Variants in ADGRL2 observed in about 807,000 individuals in gnomAD.
The protein encoded by ADGRL2 is adhesion G protein-coupled receptor L2.
ADGRL2 carries 44 observed loss-of-function variants against 157.4 expected under a neutral mutation model. The ratio of observed to expected loss-of-function variants is 0.28; its 90% CI spans 0.22 to 0.36. ADGRL2 has a LOEUF of 0.36. ADGRL2 is among the 10% of genes least tolerant of loss of function. ADGRL2 has a pLI of 1.00. For missense variants in ADGRL2, 1,510 were observed against 1,768.9 expected (o/e 0.85, Z 2.63); for synonymous variants, 585 against 624.7 (o/e 0.94, Z 0.95).
intron 1 of ADGRL2, among the ~76,000 whole-genome samples, chr1:81,836,276 A>C (rs1395914865): frequency 6.6e-6 from 1 of 152,096 alleles, no homozygotes; most frequent in Non-Finnish European, 1.5e-5. Flanking sequence ...GGAAACGAAC[A>C]TGAAGAAACT....
intron 1 of ADGRL2, among the ~76,000 whole-genome samples, chr1:81,737,453 G>A (rs1489517068): frequency 6.6e-6 from 1 of 152,018 alleles, no homozygotes; most frequent in Middle Eastern, 3.2e-3. Flanking sequence ...GAATAACAAG[G>A]GGAAATCTGC....
intron 3 of ADGRL2, among the ~76,000 whole-genome samples, chr1:81,607,854 T>G (rs1425274771): frequency 2.6e-5 from 4 of 152,212 alleles, no homozygotes; most frequent in African/African-American, 9.7e-5. Context: ...TCTGATGTTT[T>G]ATTTGCAGTA....
chr1:81,797,167 T>C (rs764745179), upstream of ADGRL2, among the ~76,000 whole-genome samples: 2 of 152,218 alleles, frequency 1.3e-5, no homozygotes, highest in Non-Finnish European at 2.9e-5. Flanking sequence ...CAAGTAATGA[T>C]GAAGAAAATG....
chr1:81,332,161 T>A (rs1661315511), intron 1 of ADGRL2, among the ~76,000 whole-genome samples: 1 of 152,180 alleles, frequency 6.6e-6, no homozygotes, highest in South Asian at 2.1e-4. Context: ...ACATTTTTTG[T>A]CCAACTCTGT....
rs1664834346 is a variant in ADGRL2, at chr1:81,993,070, TA to T, written c.*1926del. Among the ~76,000 whole-genome samples the T allele has an allele frequency of 6.5e-4, 19 of 29,128 alleles. No homozygotes were observed. The highest frequency in any genetic ancestry group is 6.2e-3 in the East Asian group (7 of 1,122). 19.1% of individuals were successfully genotyped at this position (29,128 alleles called of 152,430 possible). Reference sequence around the variant, plus strand: ...TATATATAATATACATATATATATATATATATATATATATATATTTTTTTTT... The same window carrying T: ...TATATATAATATACATATATATATATTATATATATATATATATTTTTTTTT... On this transcript the variant is annotated 3_prime_UTR_variant, in exon 24 of 24. Transcript: ENST00000686636.
At chr1:81,521,916 C>T (rs1383617054) in intron 2 of ADGRL2, among the ~76,000 whole-genome samples, 4 of 151,570 alleles carry the variant, frequency 2.6e-5, no homozygotes, top group Non-Finnish European at 4.4e-5. Flanking sequence ...GAGAAGATAT[C>T]GTCATTGGCA....
At chr1:81,894,378 GT>G (rs1441268807) in intron 2 of ADGRL2, among the ~76,000 whole-genome samples, 1 of 151,934 alleles carries the variant, frequency 6.6e-6, no homozygotes, top group Non-Finnish European at 1.5e-5. Context: ...TTTTTAATTG[GT>G]CCAAGAGCAT....
intron 3 of ADGRL2, among the ~76,000 whole-genome samples, chr1:81,932,851 G>C (rs2095254058): frequency 6.6e-6 from 1 of 152,084 alleles, no homozygotes; most frequent in Non-Finnish European, 1.5e-5. Flanking sequence ...GCGCCACCAT[G>C]CATGCCTGCG....
intron 10 of ADGRL2, 180 bp from the exon 11 acceptor site, chr1:81,955,696 TA>T: frequency 2.3e-6 from 1 of 439,624 alleles, no homozygotes. Flanking sequence ...AGTCCTGTTT[TA>T]AAATGGTCCA....
chr1:81,984,586 C>T lies in ADGRL2; in HGVS notation c.3286C>T (p.Arg1096Ter). The T allele has an allele frequency of 1.2e-6, 2 of 1,602,148 alleles. No individual in the cohort carries two copies. Among genetic ancestry groups the T allele is most frequent in the Non-Finnish European group, 1.7e-6 (2 of 1,171,664 alleles). Reference protein sequence around the residue: ...IFHCALQKKVRKEYGKCFRHS... With the variant: ...IFHCALQKKV Reference sequence around the variant, plus strand: ...GTCTTGTGATTATTCAATGCAGGTACGAAAAGAATATGGCAAGTGCTTCAG... The same window carrying T: ...GTCTTGTGATTATTCAATGCAGGTATGAAAAGAATATGGCAAGTGCTTCAG... Residue 1096 changes from arginine to a stop codon, truncating the protein, a stop_gained, in exon 20 of 24, where the codon CGA becomes TGA. Transcript: ENST00000686636. LOFTEE classifies it high-confidence loss of function.
chr1:81,987,391 C>A, intron 22 of ADGRL2: 1 of 1,207,172 alleles, frequency 8.3e-7, no homozygotes, highest in Non-Finnish European at 1.2e-6. Context: ...AGCTTGCTGA[C>A]AAAATTTGCT....
At chr1:81,623,781 C>T (rs552230979) in intron 3 of ADGRL2, among the ~76,000 whole-genome samples, 7 of 151,886 alleles carry the variant, frequency 4.6e-5, no homozygotes, top group Middle Eastern at 3.4e-3. Flanking sequence ...GGATTACAGG[C>T]GTGCGCCACC....
At chr1:81,526,542 G>C (rs916261950) in intron 2 of ADGRL2, among the ~76,000 whole-genome samples, 6 of 152,154 alleles carry the variant, frequency 3.9e-5, no homozygotes, top group African/African-American at 1.4e-4. Context: ...TCTTCAAAAA[G>C]AAATTACTTT....
intron 3 of ADGRL2, among the ~76,000 whole-genome samples, chr1:81,691,541 C>T (rs890242350): frequency 4.6e-5 from 7 of 151,950 alleles, no homozygotes; most frequent in Non-Finnish European, 1.0e-4. Context: ...TCTTGTTGCC[C>T]AGGCTGGAGT....
At chr1:81,382,991 T>C (rs549805681) in intron 1 of ADGRL2, among the ~76,000 whole-genome samples, 6 of 152,304 alleles carry the variant, frequency 3.9e-5, no homozygotes, top group African/African-American at 1.4e-4. Flanking sequence ...CATGCGTTCA[T>C]TCAGACTTGT....
chr1:81,323,972 T>A lies in ADGRL2; in HGVS notation c.-302+17463T>A, dbSNP rs139638937. ...ATTGTTGTAGCTCTTTGAAGCTACG[T>A]TCAGGCTAGGCTACTATTGAAAGTG... is the stretch of plus-strand genomic sequence containing the variant. On this transcript the variant is annotated intron_variant, in intron 1 of 24. Coordinates refer to the ADGRL2 transcript ENST00000370721. Among the ~76,000 whole-genome samples, 25 of 152,288 alleles carry A rather than the reference T, an allele frequency of 1.6e-4. No individual in the cohort carries two copies. In the East Asian group the frequency reaches 4.8e-3, roughly 29 times the overall value.
intron 3 of ADGRL2, among the ~76,000 whole-genome samples, chr1:81,620,920 C>T (rs2081775730): frequency 6.6e-6 from 1 of 152,140 alleles, no homozygotes; most frequent in Non-Finnish European, 1.5e-5. Context: ...CAAAGCCTTC[C>T]GAGTGTTAGG....
chr1:81,339,716 A>G (rs1029851600), intron 1 of ADGRL2, among the ~76,000 whole-genome samples: 4 of 152,108 alleles, frequency 2.6e-5, no homozygotes, highest in African/African-American at 4.8e-5. Flanking sequence ...CACCTGTTAT[A>G]CACATGATTT....
rs139161834 is a variant in ADGRL2, at chr1:81,527,941, C to T, written c.-247-52935C>T. ...AATTAGCCGGGTGCGGTTGCATGCA[C>T]CTGTGGTCCCAGCTACTCGGGGGGC... is the stretch of plus-strand genomic sequence containing the variant. On this transcript the variant is annotated intron_variant, in intron 2 of 24. Transcript: ENST00000370721. Among the ~76,000 whole-genome samples the T allele has an allele frequency of 2.5e-3, 383 of 151,872 alleles. 2 individuals are homozygous for T. Among genetic ancestry groups the T allele is most frequent in the African/African-American group, 8.8e-3 (365 of 41,424 alleles).
Sources: gnomAD v4.1 joint callset for allele counts (sites outside exome capture counted in the v4.1 genomes callset) on GRCh38, gnomAD v4.1.1 for gene constraint, MANE v1.5 for transcripts, NCBI Gene and HGNC (gene_info 2026-07-23, HGNC 2026-07-21) for gene names.